Variants in MYO1D observed in about 807,000 individuals in gnomAD.
MYO1D encodes the protein myosin ID, also known as unconventional myosin-Id.
MYO1D carries 83 observed loss-of-function variants against 122.0 expected under a neutral mutation model. The ratio of observed to expected loss-of-function variants is 0.68; its 90% CI spans 0.57 to 0.82. The LOEUF (loss-of-function observed/expected upper bound fraction) is 0.82. Ranked by LOEUF, MYO1D falls within the 40% of genes least tolerant of loss-of-function variation. The pLI is 0.00. For missense variants in MYO1D, 1,157 were observed against 1,269.5 expected (o/e 0.91, Z 1.35); for synonymous variants, 464 against 446.9 (o/e 1.04, Z -0.48).
At chr17:32,608,944 T>C (rs529386967) in intron 20 of MYO1D, among the ~76,000 whole-genome samples, 1 of 152,280 alleles carries the variant, frequency 6.6e-6, no homozygotes, top group East Asian at 1.9e-4. Flanking sequence ...TATATGATAT[T>C]CTCTAGAAGA....
intron 17 of MYO1D, among the ~76,000 whole-genome samples, chr17:32,658,353 T>G (rs1177915604): frequency 1.3e-5 from 2 of 152,280 alleles, no homozygotes; most frequent in East Asian, 3.9e-4. Context: ...ATGACTATAT[T>G]TGAGAAGAAG....
intron 1 of MYO1D, among the ~76,000 whole-genome samples, chr17:32,834,119 C>T (rs1250770540): frequency 6.6e-6 from 1 of 152,170 alleles, no homozygotes; most frequent in African/African-American, 2.4e-5. Flanking sequence ...AGGCGCCCAA[C>T]AGATGTTTGC....
intron 21 of MYO1D, among the ~76,000 whole-genome samples, chr17:32,514,908 A>G (rs1909836997): frequency 6.6e-6 from 1 of 152,202 alleles, no homozygotes; most frequent in African/African-American, 2.4e-5. Context: ...AAGGTTTGGA[A>G]TCAATAGTTT....
chr17:32,847,712 G>C (rs372609868), intron 1 of MYO1D, among the ~76,000 whole-genome samples: 12 of 152,112 alleles, frequency 7.9e-5, no homozygotes, highest in African/African-American at 2.9e-4. Context: ...ACAGGGTTTT[G>C]CCATGTTGCC....
intron 20 of MYO1D, chr17:32,632,420 C>A (rs1348546000): frequency 6.6e-6 from 1 of 152,112 alleles, no homozygotes; most frequent in Non-Finnish European, 1.5e-5. Flanking sequence ...AGCTTTGGCC[C>A]AGTGGATTCA....
At chr17:32,535,776 A>AACAAAACAAT (rs529410008) in intron 21 of MYO1D, among the ~76,000 whole-genome samples, 10 of 152,100 alleles carry the variant, frequency 6.6e-5, no homozygotes, top group African/African-American at 2.4e-4. Flanking sequence ...AACAAAACAA[A>AACAAAACAAT]AATCGTACTT....
At chr17:32,786,542 G>A (rs1390495462) in intron 1 of MYO1D, among the ~76,000 whole-genome samples, 3 of 152,304 alleles carry the variant, frequency 2.0e-5, no homozygotes, top group African/African-American at 2.4e-5. Flanking sequence ...TCATTAGGCC[G>A]GGCGCACTGG....
intron 16 of MYO1D, among the ~76,000 whole-genome samples, chr17:32,704,327 G>C (rs2089281641): frequency 6.6e-6 from 1 of 152,040 alleles, no homozygotes; most frequent in Admixed American, 6.5e-5. Flanking sequence ...GTATAACTGG[G>C]GCTTTTTATA....
At chr17:32,864,728 C>T (rs1018840565) in intron 1 of MYO1D, among the ~76,000 whole-genome samples, 9 of 151,986 alleles carry the variant, frequency 5.9e-5, no homozygotes, top group African/African-American at 1.4e-4. Context: ...AAAAAGCATA[C>T]ATAAAATATA....
chr17:32,569,178 A>G (rs773740189), intron 21 of MYO1D, among the ~76,000 whole-genome samples: 4 of 152,226 alleles, frequency 2.6e-5, no homozygotes, highest in Non-Finnish European at 5.9e-5. Context: ...CTGGTGTCAT[A>G]GAAACTTCAG....
intron 1 of MYO1D, among the ~76,000 whole-genome samples, chr17:32,831,654 A>G (rs2090772286): frequency 1.3e-5 from 2 of 152,398 alleles, no homozygotes; most frequent in South Asian, 4.1e-4. Context: ...GATGCAATAC[A>G]AAGTAATAAC....
chr17:32,654,423 T>C, intron 18 of MYO1D, 54 bp downstream of exon 18: 1 of 1,530,414 alleles, frequency 6.5e-7, no homozygotes, highest in Non-Finnish European at 8.8e-7. Context: ...TATGTACTTC[T>C]CTTTTTTAGT....
intron 6 of MYO1D, among the ~76,000 whole-genome samples, chr17:32,768,063 A>T (rs1252142228): frequency 6.6e-6 from 1 of 152,252 alleles, no homozygotes; most frequent in Non-Finnish European, 1.5e-5. Flanking sequence ...TGAAGGCAAC[A>T]GCATGGATGT....
chr17:32,765,644 G>C (rs559720915), intron 7 of MYO1D, among the ~76,000 whole-genome samples: 1 of 152,110 alleles, frequency 6.6e-6, no homozygotes, highest in African/African-American at 2.4e-5. Context: ...ATTTTTAGTA[G>C]AGACAGGGTT....
At chr17:32,725,226 T>C (rs1003102211) in intron 14 of MYO1D, among the ~76,000 whole-genome samples, 7 of 151,824 alleles carry the variant, frequency 4.6e-5, no homozygotes, top group African/African-American at 1.7e-4. Context: ...AGATTAGAAG[T>C]AGGTGAAGAA....
At chr17:32,748,593 T>C (rs547234927) in intron 12 of MYO1D, among the ~76,000 whole-genome samples, 1 of 152,334 alleles carries the variant, frequency 6.6e-6, no homozygotes, top group East Asian at 1.9e-4. Context: ...TTCACTAAAC[T>C]GTTGGTTCTT....
chr17:32,785,492 A>G (rs1207912158), intron 1 of MYO1D, among the ~76,000 whole-genome samples: 2 of 152,114 alleles, frequency 1.3e-5, no homozygotes, highest in African/African-American at 2.4e-5. Flanking sequence ...GAACGTTCCT[A>G]TTTCTCAGGA....
intron 10 of MYO1D, 90 bp downstream of exon 10, chr17:32,760,200 C>T (rs767046993): frequency 2.7e-6 from 3 of 1,112,102 alleles, no homozygotes; most frequent in South Asian, 2.6e-5. Context: ...TCAAATACCC[C>T]CAAAAGATCA....
At chr17:32,514,713 G>C (rs966280319) in intron 21 of MYO1D, among the ~76,000 whole-genome samples, 1 of 152,200 alleles carries the variant, frequency 6.6e-6, no homozygotes, top group African/African-American at 2.4e-5. Flanking sequence ...CTTGAAAAAA[G>C]GGATTTTTCT....
Sources: allele counts gnomAD v4.1 joint callset (sites outside exome capture counted in the v4.1 genomes callset), GRCh38; gene constraint gnomAD v4.1.1; transcripts MANE v1.5; gene names NCBI Gene and HGNC (gene_info 2026-07-23, HGNC 2026-07-21).